Variants in PLEKHG3 observed in about 807,000 individuals in gnomAD.
The protein encoded by PLEKHG3 is pleckstrin homology domain-containing family G member 3.
A neutral mutation model predicts 94.9 loss-of-function variants in PLEKHG3; 62 were observed. The observed-to-expected ratio is 0.65, with a 90% CI of 0.53 to 0.81. The LOEUF (loss-of-function observed/expected upper bound fraction) is 0.81, where lower values mean the gene tolerates loss of function less well. Among genes scored for constraint, PLEKHG3 ranks in the 30% least tolerant of loss-of-function variants. PLEKHG3 has a pLI of 0.00. For missense variants in PLEKHG3, 1,461 were observed against 1,619.3 expected, an observed-to-expected ratio of 0.90 and a Z score of 1.68; for synonymous variants, 614 against 654.0, an observed-to-expected ratio of 0.94 and a Z score of 0.93.
chr14:64,718,808 A>T lies in PLEKHG3; in HGVS notation c.-39-8785A>T, dbSNP rs1248504870. Among the ~76,000 whole-genome samples the T allele has an allele frequency of 6.6e-6, 1 of 152,054 alleles. No homozygotes were observed. Among genetic ancestry groups the T allele is most frequent in the Non-Finnish European group, 1.5e-5 (1 of 68,030 alleles). On this transcript the variant is annotated intron_variant, in intron 1 of 16. Coordinates refer to ENST00000247226, the MANE Select transcript of PLEKHG3 (RefSeq NM_001308147.2). The surrounding 1 kb of genome is among the most constrained non-coding windows in gnomAD (Gnocchi z 5.0). Reference sequence around the variant, plus strand: ...TTGTCTTATGCCCTGGCCCTCCCAGATGTCTACCCTGCAGATGGGTTTAAA... The same window carrying T: ...TTGTCTTATGCCCTGGCCCTCCCAGTTGTCTACCCTGCAGATGGGTTTAAA...
rs933557892 is a variant in PLEKHG3 at position 64,721,004 on chromosome 14, C to T, written c.-39-6589C>T. Among the ~76,000 whole-genome samples, 2 of 152,196 alleles carry T rather than the reference C, an allele frequency of 1.3e-5. No homozygotes were observed. Among genetic ancestry groups the T allele is most frequent in the African/African-American group, 4.8e-5 (2 of 41,434 alleles). On this transcript the variant is annotated intron_variant, in intron 1 of 16. Transcript: ENST00000247226. The surrounding 1 kb of genome is among the most constrained non-coding windows in gnomAD (Gnocchi z 4.3). ...CGAGGAGCCTTATGATCACATCAGG[C>T]CCACCGGGCTAATCCAGGATAATCT...
chr14:64,732,043 C>T lies in PLEKHG3; in HGVS notation c.1126-52C>T. On this transcript the variant is annotated intron_variant, in intron 9 of 16. Coordinates refer to ENST00000247226, the MANE Select transcript of PLEKHG3 (RefSeq NM_001308147.2). The surrounding 1 kb of genome is among the most constrained non-coding windows in gnomAD (Gnocchi z 4.9). ...TGGAAGCACTGTCCATGCTAGACAG[C>T]TTCAGGCCTGTAATGATAACCACTG... is the stretch of plus-strand genomic sequence containing the variant. The T allele has an allele frequency of 1.5e-6, 2 of 1,336,784 alleles. No individual in the cohort carries two copies. The highest frequency in any genetic ancestry group is 2.2e-6 in the Non-Finnish European group (2 of 927,026). 82.8% of individuals were successfully genotyped at this position (1,336,784 alleles called of 1,614,324 possible). A position where few individuals can be genotyped will look rare whatever the true frequency, so the allele number is the denominator to read the frequency against.
rs935885305 is a variant in PLEKHG3, at chr14:64,716,569, C to T, written c.-39-11024C>T. Among the ~76,000 whole-genome samples, 1 of 147,624 alleles carries T rather than the reference C, an allele frequency of 6.8e-6. No homozygotes were observed. Among genetic ancestry groups the T allele is most frequent in the African/African-American group, 2.5e-5 (1 of 39,992 alleles). ...CACACACAAAGCAGAGTTAATCTCCCACTTCTTCCTGATGTTTCCTTTTCC... is the reference window on the plus strand; with the variant it reads ...CACACACAAAGCAGAGTTAATCTCCTACTTCTTCCTGATGTTTCCTTTTCC... On this transcript the variant is annotated intron_variant, in intron 1 of 16. Coordinates refer to ENST00000247226, the MANE Select transcript of PLEKHG3 (RefSeq NM_001308147.2). The surrounding 1 kb of genome is among the most constrained non-coding windows in gnomAD (Gnocchi z 5.0).
At chr14:64,740,606 G>A (rs1270914000) in intron 15 of PLEKHG3, among the ~76,000 whole-genome samples, 1 of 152,228 alleles carries the variant, frequency 6.6e-6, no homozygotes, top group Non-Finnish European at 1.5e-5. Context: ...GAACCTCCAA[G>A]TGAGGAGCCT....
chr14:64,749,217 G>A lies in PLEKHG3; in HGVS notation c.*5514G>A, dbSNP rs943722034. 2.8e-5 allele frequency: 41 copies of A among 1,473,298 alleles called. No individual in the cohort carries two copies. The Admixed American group carries it at 5.6e-4, about 20-fold the overall frequency. The allele number at this position is 1,473,298 out of a possible 1,614,324, so 91.3% of individuals were successfully genotyped here. ...CCCGCGACTCGACTCATCTCGATTC[G>A]ACCGGCGGGCGGCGGCGAGAGGAGG... On this transcript the variant is annotated 3_prime_UTR_variant, in exon 17 of 17. Coordinates refer to ENST00000247226, the MANE Select transcript of PLEKHG3 (RefSeq NM_001308147.2). The surrounding 1 kb of genome is among the most constrained non-coding windows in gnomAD (Gnocchi z 4.7).
intron 1 of PLEKHG3, among the ~76,000 whole-genome samples, chr14:64,714,224 G>A (rs993926330): frequency 6.6e-6 from 1 of 152,288 alleles, no homozygotes; most frequent in Non-Finnish European, 1.5e-5. Flanking sequence ...CAAGGTTTTG[G>A]AAGCGTGCAC....
At position 64,716,552 on chromosome 14, in the gene PLEKHG3, A is replaced by ACACAC. The variant is rs2081166673; in HGVS notation, c.-39-11041_-39-11040insCACAC. Among the ~76,000 whole-genome samples, 9 of 74,816 alleles carry ACACAC rather than the reference A, an allele frequency of 1.2e-4. No individual in the cohort carries two copies. The highest frequency in any genetic ancestry group is 2.1e-4 in the Non-Finnish European group (7 of 33,958). 49.1% of individuals were successfully genotyped at this position (74,816 alleles called of 152,430 possible). A position where few individuals can be genotyped will look rare whatever the true frequency, so the allele number is the denominator to read the frequency against. On this transcript the variant is annotated intron_variant, in intron 1 of 16. Transcript: ENST00000247226. The surrounding 1 kb of genome is among the most constrained non-coding windows in gnomAD (Gnocchi z 5.0). Reference sequence around the variant, plus strand: ...ACACACACACACACACACACACACAAAGCAGAGTTAATCTCCCACTTCTTC... The same window carrying ACACAC: ...ACACACACACACACACACACACACAACACACAGCAGAGTTAATCTCCCACTTCTTC...
chr14:64,749,249 C>G lies in PLEKHG3; in HGVS notation c.*5546C>G. ...GGGCGGCGGCGAGAGGAGGCCAAGG[C>G]CTGGGCTGCCCGGTCTCTGCGCGTC... On this transcript the variant is annotated 3_prime_UTR_variant, in exon 17 of 17. Coordinates refer to ENST00000247226, the MANE Select transcript of PLEKHG3 (RefSeq NM_001308147.2). This position sits in a 1 kb window ranked among gnomAD's most constrained non-coding sequence, Gnocchi z 4.7. The G allele has an allele frequency of 6.5e-7, 1 of 1,533,670 alleles. No homozygotes were observed. Among genetic ancestry groups the G allele is most frequent in the Non-Finnish European group, 8.7e-7 (1 of 1,144,428 alleles).
chr14:64,727,467 A>G lies in PLEKHG3; in HGVS notation c.-39-126A>G. 1 of 586,996 alleles carries G rather than the reference A, an allele frequency of 1.7e-6. No homozygotes were observed. Among genetic ancestry groups the G allele is most frequent in the South Asian group, 2.1e-5 (1 of 48,414 alleles). 36.4% of individuals were successfully genotyped at this position (586,996 alleles called of 1,614,324 possible). Reference sequence around the variant, plus strand: ...CCACAGAACCTTTTCATCTTCTAAAACTGAACTCTGGATGCACTAAATAAT... The same window carrying G: ...CCACAGAACCTTTTCATCTTCTAAAGCTGAACTCTGGATGCACTAAATAAT... On this transcript the variant is annotated intron_variant, in intron 1 of 16. Transcript: ENST00000247226. The surrounding 1 kb of genome is among the most constrained non-coding windows in gnomAD (Gnocchi z 6.0).
At position 64,731,098 on chromosome 14, in the gene PLEKHG3, G is replaced by A; in HGVS notation, c.778G>A (p.Asp260Asn). Reference sequence around the variant, plus strand: ...CTTTGAGGTGGTGGAGGATGCCATTGACACCATGACCTGTGTGGCCTGGTA... The same window carrying A: ...CTTTGAGGTGGTGGAGGATGCCATTAACACCATGACCTGTGTGGCCTGGTA... Reference protein sequence around the residue: ...DGFEVVEDAIDTMTCVAWYIN... With the variant: ...DGFEVVEDAINTMTCVAWYIN... The change falls in exon 7 of 17, where the codon GAC (aspartate) becomes AAC (asparagine). Residue 260 changes from aspartate (D) to asparagine (N), a missense_variant. By Grantham distance (23) the Asp-to-Asn change is conservative. This residue lies in a region of PLEKHG3 where 1,201 missense variants were observed against 1,295.5 expected (regional missense o/e 0.93). Coordinates refer to ENST00000247226, the MANE Select transcript of PLEKHG3 (RefSeq NM_001308147.2). This position sits in a 1 kb window ranked among gnomAD's most constrained non-coding sequence, Gnocchi z 6.1. 1 of 1,612,988 alleles carries A rather than the reference G, an allele frequency of 6.2e-7. No homozygotes were observed. Among genetic ancestry groups the A allele is most frequent in the South Asian group, 1.1e-5 (1 of 91,064 alleles).
In PLEKHG3 at chr14:64,739,512, G is replaced by A. The variant is rs764369399; in HGVS notation, c.1518+657G>A. ...AGGGAAAGATCGTGAGCTACAGCCT[G>A]GACCCCATGTTGGACCCCACAGCCA... On this transcript the variant is annotated intron_variant, in intron 15 of 16. Transcript: ENST00000247226. This position sits in a 1 kb window ranked among gnomAD's most constrained non-coding sequence, Gnocchi z 4.1. Among the ~76,000 whole-genome samples, 2 of 152,200 alleles carry A rather than the reference G, an allele frequency of 1.3e-5. No individual in the cohort carries two copies. The highest frequency in any genetic ancestry group is 2.4e-5 in the African/African-American group (1 of 41,452).
Position 64,732,003 on chromosome 14 carries a change from C to G in PLEKHG3, c.1126-92C>G. On this transcript the variant is annotated intron_variant, in intron 9 of 16. Coordinates refer to ENST00000247226, the MANE Select transcript of PLEKHG3 (RefSeq NM_001308147.2). This position sits in a 1 kb window ranked among gnomAD's most constrained non-coding sequence, Gnocchi z 4.9. ...TCACAGAGGCCCCAGCATGGCCCCACTTTTTCTCCCTGGGTGGAAGCACTG... is the reference window on the plus strand; with the variant it reads ...TCACAGAGGCCCCAGCATGGCCCCAGTTTTTCTCCCTGGGTGGAAGCACTG... 1 of 1,031,652 alleles carries G rather than the reference C, an allele frequency of 9.7e-7. No individual in the cohort carries two copies. Among genetic ancestry groups the G allele is most frequent in the African/African-American group, 1.6e-5 (1 of 63,714 alleles). The allele number at this position is 1,031,652 out of a possible 1,614,324, so 63.9% of individuals were successfully genotyped here.
In PLEKHG3 at chr14:64,750,045, G is replaced by A. The variant is rs746217112; in HGVS notation, c.*6342G>A. The A allele has an allele frequency of 8.1e-6, 13 of 1,614,058 alleles. No homozygotes were observed. The Admixed American group carries it at 1.5e-4, about 19-fold the overall frequency. The stretch of plus-strand genomic sequence containing the variant: ...GCAATCTCACAGATGGCATGTCTCA[G>A]GGCCAGGGGTTCCTCCCCATGGTAG... On this transcript the variant is annotated 3_prime_UTR_variant, in exon 17 of 17. Transcript: ENST00000247226.
rs371588132 is a variant in PLEKHG3 at position 64,732,812 on chromosome 14, G to A, written c.1256G>A (p.Arg419Gln). ...TCTCTCCTGGGTGCAGATCCCAATC[G>A]GTACCGCTGCAGCCCAGAGCGGCTG... is the stretch of plus-strand genomic sequence containing the variant. ...ILEMDSYYPN[R>Q]YRCSPERLKK... Residue 419 changes from arginine (R) to glutamine (Q), a missense_variant, in exon 12 of 17, where the codon CGG becomes CAG. By Grantham distance (43) the Arg-to-Gln change is conservative (BLOSUM62 1). Coordinates refer to ENST00000247226, the MANE Select transcript of PLEKHG3 (RefSeq NM_001308147.2). The surrounding 1 kb of genome is among the most constrained non-coding windows in gnomAD (Gnocchi z 4.9). The A allele has an allele frequency of 7.5e-6, 12 of 1,605,864 alleles. No homozygotes were observed. Among genetic ancestry groups the A allele is most frequent in the African/African-American group, 6.7e-5 (5 of 74,856 alleles).
rs1290221477 is a variant in PLEKHG3 at position 64,717,540 on chromosome 14, AT to A, written c.-39-10050del. Among the ~76,000 whole-genome samples the A allele has an allele frequency of 1.3e-5, 2 of 152,060 alleles. No homozygotes were observed. Among genetic ancestry groups the A allele is most frequent in the Admixed American group, 6.5e-5 (1 of 15,274 alleles). On this transcript the variant is annotated intron_variant, in intron 1 of 16. Transcript: ENST00000247226. The surrounding 1 kb of genome is among the most constrained non-coding windows in gnomAD (Gnocchi z 4.7). ...TGCTGGCCTGAAATTCCTCTGAGAG[AT>A]TTCTTCCATTTAAGAACTGGCATCT... is the stretch of plus-strand genomic sequence containing the variant.
In PLEKHG3 at chr14:64,729,494, A is replaced by C. The variant is rs377146340; in HGVS notation, c.449+401A>C. Among the ~76,000 whole-genome samples the C allele has an allele frequency of 5.1e-4, 77 of 152,190 alleles. 1 individual carries two copies. The East Asian group carries it at 5.2e-3, about 10-fold the overall frequency. ...GGGCTCCCTGGAGATGATCTGACCT[A>C]TTAGTGGATTGCACAACCCAGGCAA... On this transcript the variant is annotated intron_variant, in intron 3 of 16. Transcript: ENST00000247226.
At position 64,728,100 on chromosome 14, in the gene PLEKHG3, C is replaced by T; in HGVS notation, c.351+118C>T. ...AGTTGGAGAACTGGGGTCTCCCACC[C>T]TCGCTGACTGCACTGTGAAAGCTGT... On this transcript the variant is annotated intron_variant, in intron 2 of 16. Transcript: ENST00000247226. This position sits in a 1 kb window ranked among gnomAD's most constrained non-coding sequence, Gnocchi z 5.9. The T allele has an allele frequency of 1.5e-6, 1 of 661,410 alleles. No individual in the cohort carries two copies. The highest frequency in any genetic ancestry group is 2.0e-5 in the South Asian group (1 of 48,806). 41.0% of individuals were successfully genotyped at this position (661,410 alleles called of 1,614,324 possible).
In PLEKHG3 at chr14:64,715,416, A is replaced by G. The variant is rs11626344; in HGVS notation, c.-40+10712A>G. ...TACCAGAGTGTTGTGAGGAGATTAT[A>G]TAGAGAATGTGTTTTGCCTTATGTC... On this transcript the variant is annotated intron_variant, in intron 1 of 16. Coordinates refer to ENST00000247226, the MANE Select transcript of PLEKHG3 (RefSeq NM_001308147.2). The surrounding 1 kb of genome is among the most constrained non-coding windows in gnomAD (Gnocchi z 4.4). Among the ~76,000 whole-genome samples the G allele has an allele frequency of 1.1e-4, 16 of 152,198 alleles. No individual in the cohort carries two copies. The highest frequency in any genetic ancestry group is 1.9e-4 in the Non-Finnish European group (13 of 68,020).
chr14:64,727,698 A>T lies in PLEKHG3; in HGVS notation c.67A>T (p.Thr23Ser), dbSNP rs1300513456. The T allele has an allele frequency of 6.2e-7, 1 of 1,611,454 alleles. No individual in the cohort carries two copies. The highest frequency in any genetic ancestry group is 1.7e-5 in the Admixed American group (1 of 59,900). The change falls in exon 2 of 17, where the codon ACC becomes TCC. Residue 23 changes from threonine to serine, a missense_variant. Transcript: ENST00000247226. This position sits in a 1 kb window ranked among gnomAD's most constrained non-coding sequence, Gnocchi z 6.0. ...QERPVSLTSTTSSSGSSCDSR... is the reference protein window; with the variant it reads ...QERPVSLTSTSSSSGSSCDSR... The stretch of plus-strand genomic sequence containing the variant: ...GCGGCCGGTGAGCCTGACCTCTACC[A>T]CCTCCTCGTCGGGCTCCTCCTGTGA...
Sources: allele counts gnomAD v4.1 joint callset (sites outside exome capture counted in the v4.1 genomes callset), GRCh38; gene constraint gnomAD v4.1.1; regional missense constraint gnomAD v4.1.1; non-coding constraint Gnocchi (gnomAD v3.1); transcripts MANE v1.5; gene names NCBI Gene and HGNC (gene_info 2026-07-23, HGNC 2026-07-21).